Variants in CEP128 observed in about 807,000 individuals in gnomAD.
The protein encoded by CEP128 is centrosomal protein 128, also known as centrosomal protein 128kDa.
A neutral mutation model predicts 156.7 loss-of-function variants in CEP128; 132 were observed. The ratio of observed to expected loss-of-function variants is 0.84; its 90% CI spans 0.73 to 0.97. CEP128 has a LOEUF of 0.97. Ranked by LOEUF, CEP128 falls within the 50% of genes least tolerant of loss-of-function variation. The probability of loss-of-function intolerance (pLI) is 0.00; values close to 1 mark genes in which losing one functional copy is unlikely to be tolerated. For synonymous variants in CEP128, 469 were observed against 448.9 expected (o/e 1.04, Z -0.57); for missense variants, 1,252 against 1,281.9 (o/e 0.98, Z 0.36).
intron 13 of CEP128, among the ~76,000 whole-genome samples, chr14:80,796,332 C>G (rs150268630): frequency 6.6e-6 from 1 of 152,082 alleles, no homozygotes; most frequent in Admixed American, 6.6e-5. Flanking sequence ...TGGTGGCACA[C>G]GCCTGTAATC....
chr14:80,626,523 T>C (rs953079396), intron 19 of CEP128, among the ~76,000 whole-genome samples: 1 of 125,936 alleles, frequency 7.9e-6, no homozygotes, highest in African/African-American at 3.3e-5. Flanking sequence ...CTTGACCACA[T>C]AGAGGAAAAT....
At chr14:80,925,128 A>C (rs1258647807) in intron 2 of CEP128, among the ~76,000 whole-genome samples, 1 of 152,196 alleles carries the variant, frequency 6.6e-6, no homozygotes, top group Non-Finnish European at 1.5e-5. Context: ...GAGAGGATCA[A>C]TTTGTGTTTC....
At chr14:80,555,623 A>G (rs1164837482) in intron 21 of CEP128, among the ~76,000 whole-genome samples, 1 of 152,104 alleles carries the variant, frequency 6.6e-6, no homozygotes, top group African/African-American at 2.4e-5. Flanking sequence ...ACCTTAAAAA[A>G]TCCTTTTAAC....
intron 13 of CEP128, chr14:80,822,677 G>A (rs542349727): frequency 3.8e-6 from 3 of 783,080 alleles, no homozygotes; most frequent in African/African-American, 1.7e-5. Context: ...GGGAGAGAAA[G>A]TACCCAAAGG....
At chr14:80,729,428 G>A (rs1283337055) in intron 19 of CEP128, among the ~76,000 whole-genome samples, 1 of 151,918 alleles carries the variant, frequency 6.6e-6, no homozygotes, top group Middle Eastern at 3.2e-3. Context: ...TGATTGGTGG[G>A]TATTTGGGCT....
intron 19 of CEP128, among the ~76,000 whole-genome samples, chr14:80,667,610 G>C (rs1000353401): frequency 6.6e-6 from 1 of 152,092 alleles, no homozygotes; most frequent in East Asian, 1.9e-4. Context: ...TGTAATCCCA[G>C]CACTTTGGGA....
chr14:80,514,583 A>G, intron 23 of CEP128: 1 of 256,984 alleles, frequency 3.9e-6, no homozygotes, highest in Non-Finnish European at 8.2e-6. Context: ...ATATTATTTC[A>G]ATCTCTTTGT....
chr14:80,600,853 C>T (rs1892551018), intron 19 of CEP128, among the ~76,000 whole-genome samples: 1 of 148,750 alleles, frequency 6.7e-6, no homozygotes. Context: ...ATCTGTATCA[C>T]AATAACAATA....
intron 4 of CEP128, among the ~76,000 whole-genome samples, chr14:80,911,970 G>C (rs1003993909): frequency 6.6e-6 from 1 of 152,164 alleles, no homozygotes; most frequent in Non-Finnish European, 1.5e-5. Context: ...TGTAATCCCA[G>C]CACTTTGGGA....
At chr14:80,811,030 T>C (rs915362276) in intron 13 of CEP128, among the ~76,000 whole-genome samples, 8 of 152,148 alleles carry the variant, frequency 5.3e-5, no homozygotes, top group Admixed American at 1.3e-4. Context: ...TAAGTGAGAA[T>C]GTGCGGTGTT....
At chr14:80,837,436 C>A (rs1035923667) in intron 11 of CEP128, among the ~76,000 whole-genome samples, 1 of 151,632 alleles carries the variant, frequency 6.6e-6, no homozygotes, top group Admixed American at 6.5e-5. Flanking sequence ...TAAGCCTTAT[C>A]GGCCGGGCGT....
At chr14:80,526,691 C>T in intron 23 of CEP128, 178 bp downstream of exon 23, 1 of 461,752 alleles carries the variant, frequency 2.2e-6, no homozygotes, top group Non-Finnish European at 3.9e-6. Flanking sequence ...ATGTGGTAGG[C>T]ACAAACTCTG....
chr14:80,786,094 C>T (rs779100031), intron 14 of CEP128, among the ~76,000 whole-genome samples: 14 of 152,006 alleles, frequency 9.2e-5, no homozygotes, highest in Non-Finnish European at 1.8e-4. Context: ...CAACTGGGAG[C>T]CTGGAAGCCC....
At chr14:80,653,817 T>C (rs1231492314) in intron 19 of CEP128, among the ~76,000 whole-genome samples, 1 of 152,176 alleles carries the variant, frequency 6.6e-6, no homozygotes, top group African/African-American at 2.4e-5. Context: ...TTAGGATCAT[T>C]ATATCAATTT....
At chr14:80,882,433 G>A (rs1324729289) in intron 8 of CEP128, among the ~76,000 whole-genome samples, 3 of 151,978 alleles carry the variant, frequency 2.0e-5, no homozygotes, top group Non-Finnish European at 4.4e-5. Flanking sequence ...TGCTGGTGAG[G>A]GTATGGAAAA....
chr14:80,776,318 A>C (rs1325330858), intron 16 of CEP128, among the ~76,000 whole-genome samples: 1 of 151,968 alleles, frequency 6.6e-6, no homozygotes, highest in Non-Finnish European at 1.5e-5. Flanking sequence ...CATTAAATAC[A>C]TGTGACCATT....
chr14:80,812,001 T>G (rs1884583363), intron 13 of CEP128, among the ~76,000 whole-genome samples: 1 of 152,192 alleles, frequency 6.6e-6, no homozygotes. Flanking sequence ...TCATGGGGAT[T>G]TACATAGTAC....
rs370741321 is a variant in CEP128, at chr14:80,801,522, AAAAC to A, written c.1210-8416_1210-8413del. Among the ~76,000 whole-genome samples, 711 of 152,260 alleles carry A rather than the reference AAAAC, an allele frequency of 4.7e-3. 9 individuals carry two copies. Among genetic ancestry groups the A allele is most frequent in the African/African-American group, 0.016 (683 of 41,558 alleles). On this transcript the variant is annotated intron_variant, in intron 13 of 24. Coordinates refer to ENST00000555265, the MANE Select transcript of CEP128 (RefSeq NM_152446.5). ...AACTTAAACATATTTAGAAGAAAAA[AAAAC>A]AAACAACCACATCAAAAAGTGGGCA...
At chr14:80,486,707 C>G (rs1427959623), downstream of CEP128, among the ~76,000 whole-genome samples, 1 of 152,070 alleles carries the variant, frequency 6.6e-6, no homozygotes, top group Non-Finnish European at 1.5e-5. Flanking sequence ...AGAGTGGGGG[C>G]CAATATTCAA....
Sources: gnomAD v4.1 joint callset for allele counts (sites outside exome capture counted in the v4.1 genomes callset) on GRCh38, gnomAD v4.1.1 for gene constraint, MANE v1.5 for transcripts, NCBI Gene and HGNC (gene_info 2026-07-23, HGNC 2026-07-21) for gene names.